Variants in RCL1 observed in about 807,000 individuals in gnomAD.
RCL1 encodes RNA terminal phosphate cyclase like 1, also known as RNA 3'-terminal phosphate cyclase-like protein.
RCL1 carries 24 observed loss-of-function variants against 42.4 expected under a neutral mutation model. The observed-to-expected ratio is 0.57, with a 90% confidence interval of 0.41 to 0.80. RCL1 has a LOEUF of 0.80. Among genes scored for constraint, RCL1 ranks in the 30% least tolerant of loss-of-function variants. RCL1 has a pLI of 0.00. For synonymous variants in RCL1, 228 were observed against 177.3 expected (o/e 1.29, Z -2.27); for missense variants, 578 against 467.9 (o/e 1.24, Z -2.17).
At chr9:4,840,649 G>C (rs1260731977) in intron 5 of RCL1, among the ~76,000 whole-genome samples, 1 of 152,144 alleles carries the variant, frequency 6.6e-6, no homozygotes, top group Non-Finnish European at 1.5e-5. Context: ...TTAAATAGTA[G>C]AAAATAGGCC....
Position 4,793,106 on chromosome 9 carries a change from G to A in RCL1, c.15G>A (p.Ala5=). The A allele has an allele frequency of 1.2e-6, 2 of 1,609,110 alleles. No individual in the cohort carries two copies. Among genetic ancestry groups the A allele is most frequent in the Non-Finnish European group, 8.5e-7 (1 of 1,178,094 alleles). The change falls in exon 1 of 9, where the codon GCG becomes GCA. Residue 5 remains alanine, a synonymous_variant. Coordinates refer to ENST00000381750, the MANE Select transcript of RCL1 (RefSeq NM_005772.5). MATQ[A]HSLSYAGCNF... Reference sequence around the variant, plus strand: ...AGAGCGCGCACATGGCGACTCAGGCGCACTCCCTCAGCTACGCAGGGTGCA... The same window carrying A: ...AGAGCGCGCACATGGCGACTCAGGCACACTCCCTCAGCTACGCAGGGTGCA...
intron 3 of RCL1, among the ~76,000 whole-genome samples, chr9:4,828,058 C>A: frequency 6.6e-6 from 1 of 150,938 alleles, no homozygotes; most frequent in East Asian, 2.0e-4. Flanking sequence ...TGGTGGCGGG[C>A]GCCTGTAGTG....
At chr9:4,823,644 A>G (rs910455390) in intron 2 of RCL1, 25 bp downstream of exon 2, 4 of 1,547,480 alleles carry the variant, frequency 2.6e-6, no homozygotes, top group East Asian at 2.3e-5. Context: ...GATTCCTAAA[A>G]GCACCTCCAT....
At chr9:4,798,398 C>T (rs1178174905) in intron 1 of RCL1, among the ~76,000 whole-genome samples, 1 of 152,210 alleles carries the variant, frequency 6.6e-6, no homozygotes, top group Non-Finnish European at 1.5e-5. Flanking sequence ...ACTGCTACTA[C>T]CCAGGATCCT....
At chr9:4,827,107 T>C (rs111539800) in intron 3 of RCL1, 74 bp downstream of exon 3, 2 of 1,600,808 alleles carry the variant, frequency 1.2e-6, no homozygotes, top group Admixed American at 1.8e-5. Context: ...GAGAAAAAAG[T>C]TCCTTATAAG....
intron 1 of RCL1, 108 bp downstream of exon 1, chr9:4,793,335 A>G: frequency 7.9e-7 from 1 of 1,258,386 alleles, no homozygotes. Flanking sequence ...GCGTCCGGCG[A>G]GCGCGTCGGG....
intron 1 of RCL1, among the ~76,000 whole-genome samples, chr9:4,795,485 A>G (rs964251927): frequency 2.0e-5 from 3 of 152,224 alleles, no homozygotes; most frequent in African/African-American, 4.8e-5. Flanking sequence ...GTGTATATAC[A>G]TATACGTGCA....
intron 1 of RCL1, among the ~76,000 whole-genome samples, chr9:4,810,332 G>T (rs1816130175): frequency 6.6e-6 from 1 of 152,064 alleles, no homozygotes; most frequent in African/African-American, 2.4e-5. Flanking sequence ...CTTGTGCCCA[G>T]CCACACCATT....
chr9:4,849,496 C>G lies in RCL1; in HGVS notation c.917C>G (p.Thr306Ser), dbSNP rs1394355218. 4 of 1,613,626 alleles carry G rather than the reference C, an allele frequency of 2.5e-6. No individual in the cohort carries two copies. Among genetic ancestry groups the G allele is most frequent in the Non-Finnish European group, 3.4e-6 (4 of 1,179,936 alleles). The change falls in exon 8 of 9, where the codon ACC becomes AGC. Residue 306 changes from threonine to serine, a missense_variant. By Grantham distance (58) the Thr-to-Ser change is moderately conservative. Transcript: ENST00000381750. ...TNQSLALLLM[T>S]LGQQDVSKVL... ...CAAAGCCTGGCGCTACTACTCATGA[C>G]CCTTGGACAGCAGGATGTTTCCAAA...
chr9:4,794,017 A>C (rs1231138314), intron 1 of RCL1, among the ~76,000 whole-genome samples: 1 of 152,226 alleles, frequency 6.6e-6, no homozygotes, highest in Non-Finnish European at 1.5e-5. Flanking sequence ...CTTGGTTTAC[A>C]CCTGGCCCCC....
chr9:4,845,220 A>T (rs990600147), intron 7 of RCL1, among the ~76,000 whole-genome samples: 14 of 152,256 alleles, frequency 9.2e-5, no homozygotes, highest in East Asian at 7.7e-4. Flanking sequence ...AAAAAAATTT[A>T]AAAAAGCACA....
chr9:4,793,375 C>G (rs981139026), intron 1 of RCL1, 148 bp downstream of exon 1: 5 of 641,414 alleles, frequency 7.8e-6, no homozygotes, highest in East Asian at 6.3e-5. Flanking sequence ...CCTCCAAAGC[C>G]GGAGGGGCAG....
chr9:4,814,885 G>C (rs1373902972), intron 1 of RCL1, among the ~76,000 whole-genome samples: 1 of 151,672 alleles, frequency 6.6e-6, no homozygotes, highest in Non-Finnish European at 1.5e-5. Flanking sequence ...TTTGGGTATA[G>C]TGTTTTTGGT....
chr9:4,817,124 A>T (rs1027869600), intron 1 of RCL1, among the ~76,000 whole-genome samples: 1 of 100,666 alleles, frequency 9.9e-6, no homozygotes, highest in Non-Finnish European at 2.0e-5. Flanking sequence ...GCCAATAATT[A>T]TTTTTTTCTT....
chr9:4,802,264 A>G (rs915368198), intron 1 of RCL1, among the ~76,000 whole-genome samples: 1 of 152,020 alleles, frequency 6.6e-6, no homozygotes, highest in African/African-American at 2.4e-5. Context: ...GTAGCTGTCT[A>G]ATGAGTCTTG....
At chr9:4,846,861 C>T (rs1817531730) in intron 7 of RCL1, among the ~76,000 whole-genome samples, 1 of 151,154 alleles carries the variant, frequency 6.6e-6, no homozygotes, top group Non-Finnish European at 1.5e-5. Flanking sequence ...AGAGGAAAAA[C>T]ATGCAGTTTA....
Position 4,860,369 on chromosome 9 carries a change from C to A in RCL1, c.*94C>A. ...CAAGTCCAAATGGATTAATCCAGGA[C>A]AGAATAGCCACTTGCTTAATTTTCT... On this transcript the variant is annotated 3_prime_UTR_variant, in exon 9 of 9. Coordinates refer to ENST00000381750, the MANE Select transcript of RCL1 (RefSeq NM_005772.5). 1 of 1,273,218 alleles carries A rather than the reference C, an allele frequency of 7.9e-7. No homozygotes were observed. Among genetic ancestry groups the A allele is most frequent in the African/African-American group, 1.5e-5 (1 of 64,610 alleles). 78.9% of individuals were successfully genotyped at this position (1,273,218 alleles called of 1,614,324 possible).
In RCL1 at chr9:4,860,295, C is replaced by A. The variant is rs767879446; in HGVS notation, c.*20C>A. On this transcript the variant is annotated 3_prime_UTR_variant, in exon 9 of 9. Coordinates refer to ENST00000381750, the MANE Select transcript of RCL1 (RefSeq NM_005772.5). ...AAGTGATAACCATCACAAGATAAGG[C>A]CCCAATGCCTACAGACAAAGCAGAA... 6.2e-7 allele frequency: 1 copy of A among 1,610,458 alleles called. No individual in the cohort carries two copies. Among genetic ancestry groups the A allele is most frequent in the Admixed American group, 1.7e-5 (1 of 59,244 alleles).
chr9:4,857,902 T>C (rs1818016315), intron 8 of RCL1, among the ~76,000 whole-genome samples: 1 of 146,444 alleles, frequency 6.8e-6, no homozygotes, highest in African/African-American at 2.5e-5. Context: ...ATTGGATATT[T>C]GTGAGGAAAT....
Sources: allele counts gnomAD v4.1 joint callset (sites outside exome capture counted in the v4.1 genomes callset), GRCh38; gene constraint gnomAD v4.1.1; transcripts MANE v1.5; gene names NCBI Gene and HGNC (gene_info 2026-07-23, HGNC 2026-07-21).